Variants in SLC38A9 observed in about 807,000 individuals in gnomAD.
SLC38A9 encodes neutral amino acid transporter 9.
SLC38A9 carries 48 observed loss-of-function variants against 62.3 expected under a neutral mutation model. The ratio of observed to expected loss-of-function variants is 0.77; its 90% CI spans 0.61 to 0.98. The LOEUF (loss-of-function observed/expected upper bound fraction) is 0.98. SLC38A9 is among the 50% of genes least tolerant of loss of function. The pLI, the probability that SLC38A9 is intolerant of heterozygous loss-of-function variation, is 0.00. For missense variants in SLC38A9, 541 were observed against 679.8 expected, an observed-to-expected ratio of 0.80 and a Z score of 2.27; for synonymous variants, 204 against 227.7, an observed-to-expected ratio of 0.90 and a Z score of 0.94.
At chr5:55,658,113 T>A (rs1034718405) in intron 8 of SLC38A9, 1 of 152,140 alleles carries the variant, frequency 6.6e-6, no homozygotes, top group South Asian at 2.1e-4. Flanking sequence ...TAAGATGAGG[T>A]CATAATAGAT....
chr5:55,635,420 G>C, intron 13 of SLC38A9, 124 bp downstream of exon 13: 2 of 737,004 alleles, frequency 2.7e-6, no homozygotes, highest in South Asian at 3.0e-5. Flanking sequence ...ACTTGGAGTA[G>C]ATAGCAGAGA....
chr5:55,697,659 A>G (rs1219342966), intron 3 of SLC38A9, among the ~76,000 whole-genome samples, 187 bp downstream of exon 3: 1 of 144,496 alleles, frequency 6.9e-6, no homozygotes, highest in Non-Finnish European at 1.5e-5. Flanking sequence ...TTAGTGAAAA[A>G]AAAAAAAAAA....
chr5:55,682,762 T>C (rs1396510074), intron 3 of SLC38A9, among the ~76,000 whole-genome samples: 1 of 106,348 alleles, frequency 9.4e-6, no homozygotes, highest in Non-Finnish European at 2.2e-5. Context: ...CATGAGACCA[T>C]GCCTCAAAAA....
intron 3 of SLC38A9, among the ~76,000 whole-genome samples, chr5:55,679,601 GT>G (rs35661048): frequency 5.3e-5 from 8 of 149,632 alleles, no homozygotes; most frequent in East Asian, 2.0e-4. Flanking sequence ...TTAGTTTTTT[GT>G]TTTTTTTTTA....
chr5:55,694,915 G>C (rs1755271441), intron 3 of SLC38A9, among the ~76,000 whole-genome samples: 1 of 152,106 alleles, frequency 6.6e-6, no homozygotes, highest in African/African-American at 2.4e-5. Context: ...ACCACGCCCA[G>C]CTAATTTTTG....
At chr5:55,639,896 C>T (rs189577481) in intron 12 of SLC38A9, among the ~76,000 whole-genome samples, 36 of 143,784 alleles carry the variant, frequency 2.5e-4, no homozygotes, top group Middle Eastern at 7.6e-3. Flanking sequence ...ACATGAAGTA[C>T]AACTAGTTTT....
intron 12 of SLC38A9, among the ~76,000 whole-genome samples, chr5:55,638,668 C>G (rs542466892): frequency 6.6e-6 from 1 of 152,238 alleles, no homozygotes; most frequent in South Asian, 2.1e-4. Flanking sequence ...CATTTACTAA[C>G]AAAAATGACA....
chr5:55,688,380 C>CTTTTTTT (rs767493953), intron 3 of SLC38A9, among the ~76,000 whole-genome samples: 1 of 123,294 alleles, frequency 8.1e-6, no homozygotes, highest in Non-Finnish European at 1.6e-5. Context: ...GGCATAATCT[C>CTTTTTTT]TTTTTTTTTT....
At chr5:55,705,542 T>C (rs1757184119) in intron 2 of SLC38A9, among the ~76,000 whole-genome samples, 1 of 152,062 alleles carries the variant, frequency 6.6e-6, no homozygotes, top group South Asian at 2.1e-4. Context: ...TACTTGGGAT[T>C]GAAACCAGGT....
At chr5:55,679,263 GA>G (rs1435967391) in intron 3 of SLC38A9, among the ~76,000 whole-genome samples, 1 of 151,896 alleles carries the variant, frequency 6.6e-6, no homozygotes, top group Non-Finnish European at 1.5e-5. Flanking sequence ...GTGGCATGGT[GA>G]AAAAGCTTTT....
At chr5:55,705,709 TC>T (rs1554071185) in intron 2 of SLC38A9, among the ~76,000 whole-genome samples, 1 of 94,338 alleles carries the variant, frequency 1.1e-5, no homozygotes, top group Admixed American at 1.0e-4. Flanking sequence ...GGCCTTAAAC[TC>T]TTTTTTTTTT....
At chr5:55,698,390 G>A (rs1174536742) in intron 2 of SLC38A9, among the ~76,000 whole-genome samples, 2 of 152,214 alleles carry the variant, frequency 1.3e-5, no homozygotes, top group African/African-American at 4.8e-5. Flanking sequence ...AACTGCTGCT[G>A]CCTGGAGGGT....
chr5:55,689,210 A>G (rs1345465618), intron 3 of SLC38A9, among the ~76,000 whole-genome samples: 1 of 152,240 alleles, frequency 6.6e-6, no homozygotes, highest in Non-Finnish European at 1.5e-5. Flanking sequence ...GTATAGCACC[A>G]AAACAATTCC....
intron 9 of SLC38A9, among the ~76,000 whole-genome samples, chr5:55,655,358 T>C (rs2150213500): frequency 6.6e-6 from 1 of 152,342 alleles, no homozygotes. Context: ...GGAGAAGTAC[T>C]ATTAACTTTA....
intron 12 of SLC38A9, among the ~76,000 whole-genome samples, chr5:55,640,137 C>G (rs546047073): frequency 1.1e-3 from 166 of 152,066 alleles, no homozygotes; most frequent in African/African-American, 3.8e-3. Context: ...AGGGGCCCAC[C>G]ACCATGCTCG....
intron 4 of SLC38A9, among the ~76,000 whole-genome samples, 179 bp downstream of exon 4, chr5:55,672,384 A>G (rs1243331068): frequency 2.0e-5 from 3 of 152,206 alleles, no homozygotes; most frequent in South Asian, 2.1e-4. Context: ...TCAAATTTAG[A>G]TAAGAATGAA....
intron 14 of SLC38A9, among the ~76,000 whole-genome samples, chr5:55,631,112 G>A (rs775288544): frequency 3.3e-5 from 5 of 152,174 alleles, no homozygotes; most frequent in South Asian, 4.2e-4. Flanking sequence ...CAGCCTGGGC[G>A]ACAAGAGTGA....
At chr5:55,630,809 T>C (rs888068363) in intron 14 of SLC38A9, among the ~76,000 whole-genome samples, 7 of 152,124 alleles carry the variant, frequency 4.6e-5, no homozygotes, top group African/African-American at 1.7e-4. Flanking sequence ...TGTTAACAAG[T>C]AATGGTTTTA....
intron 8 of SLC38A9, among the ~76,000 whole-genome samples, chr5:55,662,897 C>CTTT (rs34571635): frequency 7.1e-6 from 1 of 141,572 alleles, no homozygotes. Context: ...GTCTATAATT[C>CTTT]TTTTTTTTTT....
Sources: allele counts gnomAD v4.1 joint callset (sites outside exome capture counted in the v4.1 genomes callset), GRCh38; gene constraint gnomAD v4.1.1; transcripts MANE v1.5; gene names NCBI Gene and HGNC (gene_info 2026-07-23, HGNC 2026-07-21).